STPG2: variants seen among roughly 807,000 people sequenced by gnomAD.
The protein encoded by STPG2 is sperm tail PG-rich repeat containing 2.
STPG2 carries 56 observed loss-of-function variants against 54.2 expected under a neutral mutation model. The observed-to-expected ratio is 1.03, with a 90% CI of 0.83 to 1.29. The LOEUF (loss-of-function observed/expected upper bound fraction) is 1.29, where lower values mean the gene tolerates loss of function less well. Among genes scored for constraint, STPG2 ranks in the 50% most tolerant of loss-of-function variants. STPG2 has a pLI of 0.00. For synonymous variants in STPG2, 200 were observed against 181.8 expected, an observed-to-expected ratio of 1.10 and a Z score of -0.81; for missense variants, 596 against 544.9, an observed-to-expected ratio of 1.09 and a Z score of -0.93.
At chr4:98,008,442 A>G (rs1378180780) in intron 5 of STPG2, among the ~76,000 whole-genome samples, 1 of 152,108 alleles carries the variant, frequency 6.6e-6, no homozygotes, top group African/African-American at 2.4e-5. Context: ...AGAAATGCTC[A>G]AAGGAGTTCT....
At chr4:98,108,449 T>TA (rs1210192419) in intron 4 of STPG2, among the ~76,000 whole-genome samples, 2 of 152,122 alleles carry the variant, frequency 1.3e-5, no homozygotes, top group Non-Finnish European at 2.9e-5. Flanking sequence ...TAGGAGAAAA[T>TA]AGAGTTATTT....
At chr4:97,523,898 G>C (rs1283498944) in intron 4 of STPG2, among the ~76,000 whole-genome samples, 1 of 151,958 alleles carries the variant, frequency 6.6e-6, no homozygotes. Flanking sequence ...TCAGTAAAGT[G>C]AGAGACACAA....
intron 8 of STPG2, among the ~76,000 whole-genome samples, chr4:97,877,111 CTAT>C (rs1419402565): frequency 1.3e-5 from 2 of 152,088 alleles, no homozygotes; most frequent in Non-Finnish European, 2.9e-5. Context: ...CATTTAAAAT[CTAT>C]TATTTTAGCA....
At chr4:97,513,327 G>T (rs72887277) in intron 4 of STPG2, among the ~76,000 whole-genome samples, 11,869 of 151,960 alleles carry the variant, frequency 0.078, 1,291 homozygotes, top group African/African-American at 0.25. Context: ...GTCTTTTGGG[G>T]TTTTTATGGA....
chr4:98,098,223 T>A (rs1453076181), intron 5 of STPG2, among the ~76,000 whole-genome samples: 1 of 151,844 alleles, frequency 6.6e-6, no homozygotes, highest in Non-Finnish European at 1.5e-5. Flanking sequence ...AACCTCAATA[T>A]TACAGAGCTA....
rs571624271 is a variant in STPG2 at position 97,566,423 on chromosome 4, C to G, written c.1321-7306G>C. The stretch of plus-strand genomic sequence containing the variant: ...CAATGCCTCGCCCTGCTTCGGCTAG[C>G]ACATGGCGTGCTGCACCCACTGTCC... On this transcript the variant is annotated intron_variant, in intron 10 of 10. Coordinates refer to ENST00000295268, the MANE Select transcript of STPG2 (RefSeq NM_174952.3). Among the ~76,000 whole-genome samples the G allele has an allele frequency of 3.3e-5, 5 of 152,290 alleles. No homozygotes were observed. The South Asian group carries it at 1.0e-3, about 32-fold the overall frequency.
intron 10 of STPG2, among the ~76,000 whole-genome samples, chr4:97,646,179 T>G (rs1253209307): frequency 6.6e-6 from 1 of 152,156 alleles, no homozygotes; most frequent in Admixed American, 6.6e-5. Context: ...TGAGAGTCCT[T>G]GAAGTTCTAT....
At chr4:97,881,227 A>T (rs1730359466) in intron 8 of STPG2, among the ~76,000 whole-genome samples, 1 of 152,164 alleles carries the variant, frequency 6.6e-6, no homozygotes, top group Admixed American at 6.6e-5. Flanking sequence ...CTTCTCTAAC[A>T]GAGCTCATCT....
intron 9 of STPG2, among the ~76,000 whole-genome samples, chr4:97,777,478 C>A (rs142989957): frequency 1.9e-3 from 294 of 152,296 alleles, no homozygotes; most frequent in African/African-American, 7.0e-3. Context: ...AGACTCTATG[C>A]TATAAGAAAA....
intron 9 of STPG2, among the ~76,000 whole-genome samples, chr4:97,752,912 G>A (rs541051892): frequency 6.5e-4 from 99 of 151,824 alleles, no homozygotes; most frequent in Admixed American, 4.5e-3. Context: ...ATGAATAGTA[G>A]AGTGTCTTCC....
At position 98,138,290 on chromosome 4, in the gene STPG2, T is replaced by C. The variant is rs998216175; in HGVS notation, c.110-3831A>G. ...ATGGTAGAGTTTGATATGGGACATA[T>C]GGATATATTGACAAGTGAAGTGCTA... On this transcript the variant is annotated intron_variant, in intron 1 of 10. Transcript: ENST00000295268. Among the ~76,000 whole-genome samples the C allele has an allele frequency of 2.0e-5, 3 of 152,162 alleles. No individual in the cohort carries two copies. The South Asian group carries it at 6.2e-4, about 32-fold the overall frequency.
intron 4 of STPG2, among the ~76,000 whole-genome samples, chr4:97,455,439 A>G (rs1368310536): frequency 6.6e-6 from 1 of 152,092 alleles, no homozygotes; most frequent in Non-Finnish European, 1.5e-5. Flanking sequence ...GGAACACAAC[A>G]GTGGAAGAAC....
At chr4:98,022,571 C>G (rs1449963236) in intron 5 of STPG2, among the ~76,000 whole-genome samples, 1 of 151,816 alleles carries the variant, frequency 6.6e-6, no homozygotes, top group African/African-American at 2.4e-5. Context: ...GCCTGCCTTG[C>G]TAGATTGGGG....
At chr4:98,049,134 T>C (rs1337010350) in intron 5 of STPG2, 1 of 152,164 alleles carries the variant, frequency 6.6e-6, no homozygotes, top group Non-Finnish European at 1.5e-5. Context: ...AAAAACTTAA[T>C]TCCTTTTTCC....
intron 5 of STPG2, among the ~76,000 whole-genome samples, chr4:98,056,731 G>C (rs1737497083): frequency 6.6e-6 from 1 of 152,166 alleles, no homozygotes; most frequent in African/African-American, 2.4e-5. Context: ...TGGAGGAGGG[G>C]CCTGGTAGGA....
chr4:97,556,282 T>A (rs1448238718), downstream of STPG2, among the ~76,000 whole-genome samples: 1 of 152,200 alleles, frequency 6.6e-6, no homozygotes, highest in Non-Finnish European at 1.5e-5. Flanking sequence ...TTTACATCAG[T>A]AATGCATGGA....
At chr4:97,852,175 T>G (rs1729180803) in intron 8 of STPG2, among the ~76,000 whole-genome samples, 1 of 152,180 alleles carries the variant, frequency 6.6e-6, no homozygotes, top group Non-Finnish European at 1.5e-5. Context: ...TGAATTTAAA[T>G]AGCAGAGTTA....
intron 10 of STPG2, among the ~76,000 whole-genome samples, chr4:97,709,858 C>A (rs1724058598): frequency 6.6e-6 from 1 of 151,742 alleles, no homozygotes; most frequent in Admixed American, 6.6e-5. Flanking sequence ...TCACTGAGAA[C>A]TAAGTCAATG....
At chr4:98,091,454 G>A (rs1000111142) in intron 5 of STPG2, among the ~76,000 whole-genome samples, 2 of 152,010 alleles carry the variant, frequency 1.3e-5, no homozygotes, top group East Asian at 3.9e-4. Context: ...CTGACAAATA[G>A]CTACTTGTCC....
Sources: allele counts gnomAD v4.1 joint callset (sites outside exome capture counted in the v4.1 genomes callset), GRCh38; gene constraint gnomAD v4.1.1; transcripts MANE v1.5; gene names NCBI Gene and HGNC (gene_info 2026-07-23, HGNC 2026-07-21).